Variants in KAT14 observed in about 807,000 individuals in gnomAD.
KAT14 encodes lysine acetyltransferase 14, also known as cysteine-rich protein 2-binding protein.
A neutral mutation model predicts 78.4 loss-of-function variants in KAT14; 66 were observed. The ratio of observed to expected loss-of-function variants is 0.84; its 90% CI spans 0.69 to 1.03. KAT14 has a LOEUF of 1.03. Among genes scored for constraint, KAT14 ranks in the 50% least tolerant of loss-of-function variants. The pLI is 0.00. For missense variants in KAT14, 870 were observed against 972.5 expected, an observed-to-expected ratio of 0.89 and a Z score of 1.40; for synonymous variants, 344 against 359.4, an observed-to-expected ratio of 0.96 and a Z score of 0.48.
Position 18,142,441 on chromosome 20 carries a change from T to C in KAT14, c.-220T>C, listed in dbSNP as rs77389893. Reference sequence around the variant, plus strand: ...AGAGTAGCTTAGTAGTATCTTCATCTTTTTTTTTGGTCACTGTCCTTTTAA... The same window carrying C: ...AGAGTAGCTTAGTAGTATCTTCATCCTTTTTTTTGGTCACTGTCCTTTTAA... On this transcript the variant is annotated 5_prime_UTR_variant, in exon 2 of 11. Coordinates refer to ENST00000688188, the MANE Select transcript of KAT14 (RefSeq NM_001392073.1). 2 of 284,600 alleles carry C rather than the reference T, an allele frequency of 7.0e-6. No homozygotes were observed. Among genetic ancestry groups the C allele is most frequent in the Non-Finnish European group, 8.7e-6 (2 of 228,874 alleles). The allele number at this position is 284,600 out of a possible 1,614,324, so 17.6% of individuals were successfully genotyped here. A position where few individuals can be genotyped will look rare whatever the true frequency, so the allele number is the denominator to read the frequency against.
intron 7 of KAT14, among the ~76,000 whole-genome samples, chr20:18,165,880 G>A (rs2038620403): frequency 1.3e-5 from 2 of 152,170 alleles, no homozygotes; most frequent in Admixed American, 6.5e-5. Context: ...TTTGTGGAGT[G>A]AGCATCATCA....
chr20:18,166,155 G>T (rs2038632192), intron 7 of KAT14, among the ~76,000 whole-genome samples: 1 of 152,188 alleles, frequency 6.6e-6, no homozygotes, highest in Non-Finnish European at 1.5e-5. Flanking sequence ...TAGAAAGGGT[G>T]CTCAGTTGCA....
intron 1 of KAT14, among the ~76,000 whole-genome samples, chr20:18,141,192 T>G (rs2037561337): frequency 6.6e-6 from 1 of 151,860 alleles, no homozygotes; most frequent in East Asian, 1.9e-4. Context: ...GCCTAAAACC[T>G]TTAGAGTATT....
At chr20:18,142,041 C>T (rs1321863200) in intron 1 of KAT14, among the ~76,000 whole-genome samples, 167 bp from the exon 2 acceptor site, 3 of 151,764 alleles carry the variant, frequency 2.0e-5, no homozygotes, top group Non-Finnish European at 2.9e-5. Context: ...TTTATTTGAT[C>T]GTTTATTACA....
At chr20:18,161,637 A>G (rs2038425577) in intron 5 of KAT14, among the ~76,000 whole-genome samples, 186 bp from the exon 6 acceptor site, 1 of 152,220 alleles carries the variant, frequency 6.6e-6, no homozygotes, top group Admixed American at 6.5e-5. Flanking sequence ...TTCAGCACTG[A>G]CATAACGCTC....
chr20:18,153,454 GA>G (rs1281001482), intron 4 of KAT14, among the ~76,000 whole-genome samples: 2 of 152,146 alleles, frequency 1.3e-5, no homozygotes, highest in African/African-American at 4.8e-5. Context: ...ATAAGAAAGG[GA>G]AAAAACTGAT....
chr20:18,141,210 CA>C (rs1214683246), intron 1 of KAT14, among the ~76,000 whole-genome samples: 3 of 151,564 alleles, frequency 2.0e-5, no homozygotes, highest in African/African-American at 7.3e-5. Flanking sequence ...ATTTTGTGAG[CA>C]ATAAACTATA....
intron 1 of KAT14, among the ~76,000 whole-genome samples, chr20:18,140,806 G>A (rs1433274485): frequency 8.6e-6 from 1 of 115,726 alleles, no homozygotes; most frequent in Non-Finnish European, 1.7e-5. Flanking sequence ...GTGACAGAAC[G>A]AGACTCCTTC....
chr20:18,184,847 C>A (rs1269772286), intron 10 of KAT14, 55 bp downstream of exon 10: 19 of 1,525,636 alleles, frequency 1.2e-5, no homozygotes, highest in Non-Finnish European at 1.7e-5. Context: ...CCTGAACAAC[C>A]TGGAGGAGGA....
intron 7 of KAT14, among the ~76,000 whole-genome samples, chr20:18,177,417 C>T (rs2039087566): frequency 6.6e-6 from 1 of 152,244 alleles, no homozygotes; most frequent in Admixed American, 6.5e-5. Context: ...CAGAGCTATT[C>T]ACAAGGTCCA....
At chr20:18,138,122 G>T (rs990168700) in intron 1 of KAT14, 71 bp downstream of exon 1, 6 of 1,391,832 alleles carry the variant, frequency 4.3e-6, no homozygotes, top group African/African-American at 1.5e-5. Flanking sequence ...CGTGGTCTCT[G>T]CCCGCTCGGT....
chr20:18,182,680 C>G (rs1318066422), intron 8 of KAT14, among the ~76,000 whole-genome samples: 2 of 152,178 alleles, frequency 1.3e-5, no homozygotes, highest in Non-Finnish European at 2.9e-5. Flanking sequence ...ATCACCCTGA[C>G]CCTCCATGCC....
At chr20:18,144,881 G>T (rs2037764276) in intron 2 of KAT14, among the ~76,000 whole-genome samples, 1 of 152,152 alleles carries the variant, frequency 6.6e-6, no homozygotes, top group Non-Finnish European at 1.5e-5. Flanking sequence ...CCAGTTCCTA[G>T]CCCAGTGCCT....
At chr20:18,171,578 G>A (rs541682237) in intron 7 of KAT14, among the ~76,000 whole-genome samples, 5 of 152,202 alleles carry the variant, frequency 3.3e-5, no homozygotes, top group African/African-American at 4.8e-5. Flanking sequence ...TTGGGAGGCC[G>A]AGGCGGGCGG....
rs2038462275 is a variant in KAT14 at position 18,162,363 on chromosome 20, T to C, written c.1100-14T>C. ...TTCCTATGTCTTGATGACACTGTTT[T>C]GTACTCTGCACAGATGACGATGAGA... On this transcript the variant is annotated splice_polypyrimidine_tract_variant and intron_variant, in intron 6 of 10. Transcript: ENST00000688188. 3 of 1,607,900 alleles carry C rather than the reference T, an allele frequency of 1.9e-6. No homozygotes were observed. Among genetic ancestry groups the C allele is most frequent in the African/African-American group, 2.7e-5 (2 of 74,684 alleles).
At chr20:18,163,647 G>T (rs989101414) in intron 7 of KAT14, among the ~76,000 whole-genome samples, 3 of 152,212 alleles carry the variant, frequency 2.0e-5, no homozygotes, top group African/African-American at 7.2e-5. Flanking sequence ...TGAATTGCCT[G>T]TTTGGAGTCT....
At chr20:18,152,642 A>G (rs531996515) in intron 4 of KAT14, among the ~76,000 whole-genome samples, 1 of 152,256 alleles carries the variant, frequency 6.6e-6, no homozygotes, top group Non-Finnish European at 1.5e-5. Flanking sequence ...AGGACAAGAC[A>G]GGAAAAATAA....
intron 4 of KAT14, among the ~76,000 whole-genome samples, chr20:18,157,506 TGGTG>T (rs2038266440): frequency 6.6e-6 from 1 of 152,202 alleles, no homozygotes; most frequent in Non-Finnish European, 1.5e-5. Flanking sequence ...TACAGTTCAG[TGGTG>T]TTAAGTATGT....
intron 7 of KAT14, among the ~76,000 whole-genome samples, chr20:18,177,832 G>T (rs1022713586): frequency 6.6e-6 from 1 of 152,154 alleles, no homozygotes; most frequent in Non-Finnish European, 1.5e-5. Flanking sequence ...ATGACTGAGA[G>T]CCCTGGAGCG....
Sources: allele counts gnomAD v4.1 joint callset (sites outside exome capture counted in the v4.1 genomes callset), GRCh38; gene constraint gnomAD v4.1.1; transcripts MANE v1.5; gene names NCBI Gene and HGNC (gene_info 2026-07-23, HGNC 2026-07-21).